Variants in MYOZ2 observed in about 807,000 individuals in gnomAD.
The protein encoded by MYOZ2 is myozenin 2, also known as myozenin-2.
MYOZ2 carries 19 observed loss-of-function variants against 25.4 expected under a neutral mutation model. That is an observed-to-expected ratio of 0.75 (90% confidence interval 0.52 to 1.10). MYOZ2 has a LOEUF of 1.10. MYOZ2 is among the 50% of genes least tolerant of loss of function. The pLI is 0.00. For synonymous variants in MYOZ2, 92 were observed against 106.9 expected (o/e 0.86, Z 0.86); for missense variants, 270 against 317.9 (o/e 0.85, Z 1.15).
intron 5 of MYOZ2, among the ~76,000 whole-genome samples, chr4:119,164,990 A>T (rs542854363): frequency 3.3e-5 from 5 of 151,420 alleles, no homozygotes; most frequent in Non-Finnish European, 7.4e-5. Flanking sequence ...ATTTCCATGG[A>T]TATTTTGAAT....
intron 5 of MYOZ2, among the ~76,000 whole-genome samples, chr4:119,181,113 A>G (rs1179106438): frequency 6.6e-6 from 1 of 152,230 alleles, no homozygotes; most frequent in Non-Finnish European, 1.5e-5. Context: ...TTTGGAAAAG[A>G]TTATGGACAG....
At chr4:119,177,081 C>G (rs574234291) in intron 5 of MYOZ2, among the ~76,000 whole-genome samples, 1 of 152,254 alleles carries the variant, frequency 6.6e-6, no homozygotes, top group Admixed American at 6.5e-5. Context: ...AAAGTTTATT[C>G]TTTATTTCAA....
intron 5 of MYOZ2, among the ~76,000 whole-genome samples, chr4:119,164,950 T>A (rs190115480): frequency 6.6e-6 from 1 of 152,058 alleles, no homozygotes; most frequent in African/African-American, 2.4e-5. Flanking sequence ...AGAATGGGCA[T>A]CCATTTTTCT....
At chr4:119,185,164 T>C (rs1742263764) in intron 5 of MYOZ2, among the ~76,000 whole-genome samples, 1 of 150,506 alleles carries the variant, frequency 6.6e-6, no homozygotes, top group African/African-American at 2.4e-5. Context: ...TCCTTTCCCT[T>C]CTCCTTTCCT....
intron 5 of MYOZ2, among the ~76,000 whole-genome samples, chr4:119,178,693 G>A (rs1168197057): frequency 6.6e-6 from 1 of 152,108 alleles, no homozygotes; most frequent in Non-Finnish European, 1.5e-5. Flanking sequence ...TGCAATCTCT[G>A]CCTCCTGGAT....
intron 5 of MYOZ2, among the ~76,000 whole-genome samples, chr4:119,174,022 G>A (rs1038688868): frequency 3.3e-5 from 5 of 152,326 alleles, no homozygotes; most frequent in African/African-American, 9.6e-5. Flanking sequence ...CTGCCTTCCC[G>A]CAGGGCAGGG....
At chr4:119,176,626 A>T (rs750367529) in intron 5 of MYOZ2, among the ~76,000 whole-genome samples, 3 of 152,226 alleles carry the variant, frequency 2.0e-5, no homozygotes, top group Non-Finnish European at 4.4e-5. Context: ...CAAATTTGAG[A>T]CATAAAGACT....
intron 5 of MYOZ2, 64 bp from the exon 6 acceptor site, chr4:119,185,902 T>A (rs1742282338): frequency 7.5e-7 from 1 of 1,332,322 alleles, no homozygotes; most frequent in Non-Finnish European, 1.1e-6. Context: ...AATTATGAAA[T>A]TGTTTTCTAT....
chr4:119,149,612 A>AAAT (rs1741402249), intron 2 of MYOZ2, among the ~76,000 whole-genome samples: 1 of 151,910 alleles, frequency 6.6e-6, no homozygotes, highest in African/African-American at 2.4e-5. Flanking sequence ...AGTATTAATC[A>AAAT]CCATGTTGTT....
chr4:119,143,838 A>T (rs1457953948), intron 2 of MYOZ2, among the ~76,000 whole-genome samples: 1 of 152,196 alleles, frequency 6.6e-6, no homozygotes, highest in African/African-American at 2.4e-5. Context: ...TTTACTTAGA[A>T]ATATACATTT....
intron 3 of MYOZ2, among the ~76,000 whole-genome samples, chr4:119,153,558 A>C (rs1181355085): frequency 6.6e-6 from 1 of 152,110 alleles, no homozygotes; most frequent in African/African-American, 2.4e-5. Flanking sequence ...TTTCTGGAAC[A>C]AGCTTTTACT....
intron 5 of MYOZ2, among the ~76,000 whole-genome samples, chr4:119,167,636 A>G (rs759110240): frequency 8.5e-5 from 13 of 152,348 alleles, no homozygotes. Context: ...AGAGAAGTCA[A>G]TGCTTGGCTT....
intron 5 of MYOZ2, among the ~76,000 whole-genome samples, chr4:119,184,967 G>A (rs1201761667): frequency 1.3e-5 from 2 of 152,194 alleles, no homozygotes; most frequent in Non-Finnish European, 2.9e-5. Context: ...CTGCAGGAAT[G>A]TGGCTAAGAA....
intron 2 of MYOZ2, among the ~76,000 whole-genome samples, chr4:119,138,998 T>G (rs1741100459): frequency 6.6e-6 from 1 of 152,168 alleles, no homozygotes; most frequent in South Asian, 2.1e-4. Context: ...TATTAAAAAA[T>G]TCTCTTCATA....
rs374792385 is a variant in MYOZ2, at chr4:119,172,454, C to A, written c.560+8060C>A. On this transcript the variant is annotated intron_variant, in intron 5 of 5. Coordinates refer to ENST00000307128, the MANE Select transcript of MYOZ2 (RefSeq NM_016599.5). Reference sequence around the variant, plus strand: ...AGAGTGAGTCGAAGCTGTCCTCTTGCGCTGAGTCAGTTCCTGGGTGGGGGC... The same window carrying A: ...AGAGTGAGTCGAAGCTGTCCTCTTGAGCTGAGTCAGTTCCTGGGTGGGGGC... 9.9e-5 allele frequency among the ~76,000 whole-genome samples: 15 copies of A among 152,232 alleles called. No individual in the cohort carries two copies. In the East Asian group the frequency reaches 2.1e-3, roughly 22 times the overall value.
chr4:119,154,859 A>T (rs945970326), intron 3 of MYOZ2, among the ~76,000 whole-genome samples: 2 of 134,106 alleles, frequency 1.5e-5, no homozygotes, highest in Non-Finnish European at 3.1e-5. Context: ...GTTATATTAC[A>T]CACACACACA....
At chr4:119,164,454 G>A in intron 5 of MYOZ2, 60 bp downstream of exon 5, 1 of 1,560,362 alleles carries the variant, frequency 6.4e-7, no homozygotes, top group Non-Finnish European at 8.8e-7. Flanking sequence ...TTTCATCATG[G>A]TACAGATAAC....
intron 2 of MYOZ2, among the ~76,000 whole-genome samples, chr4:119,136,888 G>C (rs1741038928): frequency 6.8e-6 from 1 of 147,356 alleles, no homozygotes; most frequent in South Asian, 2.2e-4. Flanking sequence ...TATAAGTTAA[G>C]ATCACTCTCG....
intron 4 of MYOZ2, among the ~76,000 whole-genome samples, chr4:119,162,026 A>G (rs1741719493): frequency 6.6e-6 from 1 of 152,174 alleles, no homozygotes; most frequent in Non-Finnish European, 1.5e-5. Context: ...TGTGGTAGTT[A>G]TGGTTATAGA....
Sources: gnomAD v4.1 joint callset for allele counts (sites outside exome capture counted in the v4.1 genomes callset) on GRCh38, gnomAD v4.1.1 for gene constraint, MANE v1.5 for transcripts, NCBI Gene and HGNC (gene_info 2026-07-23, HGNC 2026-07-21) for gene names.